The following DNAJC6 variants were observed in gnomAD, a reference collection of about 807,000 sequenced individuals.
DNAJC6 encodes the protein DnaJ heat shock protein family (Hsp40) member C6.
In DNAJC6, 34 loss-of-function variants were observed where a neutral mutation model predicts 110.0. The ratio of observed to expected loss-of-function variants is 0.31; its 90% CI spans 0.24 to 0.41. The LOEUF is 0.41. Among genes scored for constraint, DNAJC6 ranks in the 10% least tolerant of loss-of-function variants. The pLI, the probability that DNAJC6 is intolerant of heterozygous loss-of-function variation, is 1.00. For missense variants in DNAJC6, 1,031 were observed against 1,207.8 expected (o/e 0.85, Z 2.17); for synonymous variants, 406 against 437.2 (o/e 0.93, Z 0.89).
chr1:65,265,180 T>G (rs1021611730), intron 1 of DNAJC6, among the ~76,000 whole-genome samples: 3 of 152,252 alleles, frequency 2.0e-5, no homozygotes, highest in African/African-American at 7.2e-5. Flanking sequence ...TATTTTTGCA[T>G]TCTTAATCTT....
intron 1 of DNAJC6, among the ~76,000 whole-genome samples, chr1:65,287,967 A>G (rs1381058652): frequency 6.6e-6 from 1 of 152,210 alleles, no homozygotes; most frequent in African/African-American, 2.4e-5. Flanking sequence ...TGGGGGTCTT[A>G]GCACTGAGAA....
At chr1:65,337,786 G>A (rs1189488082) in intron 1 of DNAJC6, among the ~76,000 whole-genome samples, 2 of 152,172 alleles carry the variant, frequency 1.3e-5, no homozygotes, top group Admixed American at 6.6e-5. Flanking sequence ...AATACTACAC[G>A]ATTTTATATA....
chr1:65,302,098 A>AT, intron 1 of DNAJC6, among the ~76,000 whole-genome samples: 2 of 29,932 alleles, frequency 6.7e-5, no homozygotes, highest in African/African-American at 4.8e-4. Flanking sequence ...TATTATATAT[A>AT]TAATATATAA....
chr1:65,290,070 A>G (rs1430967986), intron 1 of DNAJC6, among the ~76,000 whole-genome samples: 2 of 152,174 alleles, frequency 1.3e-5, no homozygotes. Context: ...TCGGCCTCCC[A>G]AAGTGCTGGG....
chr1:65,346,802 A>G (rs1645441022), intron 1 of DNAJC6, among the ~76,000 whole-genome samples: 1 of 152,008 alleles, frequency 6.6e-6, no homozygotes, highest in Admixed American at 6.6e-5. Flanking sequence ...ATTTTGTACT[A>G]AATAATGGAC....
intron 4 of DNAJC6, among the ~76,000 whole-genome samples, chr1:65,376,680 G>A (rs1349472689): frequency 6.6e-6 from 1 of 151,530 alleles, no homozygotes; most frequent in Non-Finnish European, 1.5e-5. Context: ...TATTTTCCAA[G>A]TTTCCTTTTG....
chr1:65,274,967 T>C (rs1403698929), intron 1 of DNAJC6, among the ~76,000 whole-genome samples: 1 of 152,196 alleles, frequency 6.6e-6, no homozygotes, highest in African/African-American at 2.4e-5. Flanking sequence ...TTATATTTAA[T>C]CATGTTTCAG....
chr1:65,354,621 C>T (rs1645524962), intron 1 of DNAJC6, among the ~76,000 whole-genome samples: 4 of 152,156 alleles, frequency 2.6e-5, no homozygotes, highest in Admixed American at 2.6e-4. Flanking sequence ...CCATCATAGT[C>T]TAGTATTCTT....
At chr1:65,408,943 A>ATT (rs66951816) in intron 17 of DNAJC6, among the ~76,000 whole-genome samples, 160 bp downstream of exon 17, 6 of 150,820 alleles carry the variant, frequency 4.0e-5, no homozygotes, top group South Asian at 2.1e-4. Context: ...AAACAACAGG[A>ATT]TTTTTTTTTT....
At chr1:65,400,760 T>C (rs1202618506) in intron 14 of DNAJC6, among the ~76,000 whole-genome samples, 1 of 152,236 alleles carries the variant, frequency 6.6e-6, no homozygotes, top group Non-Finnish European at 1.5e-5. Flanking sequence ...ATTCCATATC[T>C]TGGCTGTTGT....
intron 1 of DNAJC6, among the ~76,000 whole-genome samples, chr1:65,334,327 C>T (rs1357395428): frequency 7.9e-5 from 12 of 152,212 alleles, no homozygotes; most frequent in Admixed American, 7.9e-4. Context: ...ATGCATGCAA[C>T]TTTCAGAATT....
chr1:65,398,905 C>T (rs1646004904), intron 14 of DNAJC6, 24 bp downstream of exon 14: 1 of 1,611,716 alleles, frequency 6.2e-7, no homozygotes, highest in Admixed American at 1.7e-5. Context: ...ATTTTCTGTA[C>T]ACATTTATAT....
chr1:65,311,779 A>G (rs74083025), intron 1 of DNAJC6, among the ~76,000 whole-genome samples: 9,526 of 152,308 alleles, frequency 0.063, 345 homozygotes, highest in Non-Finnish European at 0.079. Context: ...TATGAAATAC[A>G]TATGTTTTCC....
At chr1:65,363,174 A>G (rs1285411519) in intron 1 of DNAJC6, among the ~76,000 whole-genome samples, 1 of 152,142 alleles carries the variant, frequency 6.6e-6, no homozygotes, top group African/African-American at 2.4e-5. Context: ...TGATCCAATC[A>G]CTTCCCACCA....
intron 1 of DNAJC6, among the ~76,000 whole-genome samples, chr1:65,302,036 C>T (rs1025192587): frequency 4.8e-5 from 7 of 145,620 alleles, no homozygotes; most frequent in African/African-American, 1.8e-4. Flanking sequence ...ATGTCGAGGG[C>T]TATGGGAGTT....
chr1:65,392,379 A>G lies in DNAJC6; in HGVS notation c.1469-52A>G, dbSNP rs533924852. ...ATATACATATATTATAACAAAAACCAACAATGCTGTGGTCAGCAACTAATC... is the reference window on the plus strand; with the variant it reads ...ATATACATATATTATAACAAAAACCGACAATGCTGTGGTCAGCAACTAATC... On this transcript the variant is annotated intron_variant, in intron 11 of 18. Coordinates refer to ENST00000371069, the MANE Select transcript of DNAJC6 (RefSeq NM_001256864.2). 30 of 1,483,018 alleles carry G rather than the reference A, an allele frequency of 2.0e-5. No individual in the cohort carries two copies. In the South Asian group the frequency reaches 3.9e-4, roughly 19 times the overall value. 91.9% of individuals were successfully genotyped at this position (1,483,018 alleles called of 1,614,324 possible).
rs144942089 is a variant in DNAJC6 at position 65,298,177 on chromosome 1, T to C, written c.-131+33245T>C. Among the ~76,000 whole-genome samples the C allele has an allele frequency of 2.1e-3, 313 of 152,312 alleles. 1 individual carries two copies. Among genetic ancestry groups the C allele is most frequent in the African/African-American group, 7.2e-3 (299 of 41,568 alleles). ...CCCTGTCTTGATAAATTGGCTCTTA[T>C]CTGGGCAGTGGGCAAGGTGAACTAG... is the stretch of plus-strand genomic sequence containing the variant. On this transcript the variant is annotated intron_variant, in intron 1 of 19. Transcript: ENST00000263441.
At chr1:65,391,230 C>T (rs562623785) in intron 11 of DNAJC6, among the ~76,000 whole-genome samples, 21 of 152,294 alleles carry the variant, frequency 1.4e-4, no homozygotes, top group Non-Finnish European at 2.5e-4. Context: ...TTCATATTCA[C>T]GTCTGTCAGT....
chr1:65,372,737 G>GA (rs34179882), intron 4 of DNAJC6, among the ~76,000 whole-genome samples: 1 of 152,056 alleles, frequency 6.6e-6, no homozygotes, highest in Non-Finnish European at 1.5e-5. Context: ...TTGTTCTACT[G>GA]AAAAAAGCTG....
Sources: gnomAD v4.1 joint callset for allele counts (sites outside exome capture counted in the v4.1 genomes callset) on GRCh38, gnomAD v4.1.1 for gene constraint, MANE v1.5 for transcripts, NCBI Gene and HGNC (gene_info 2026-07-23, HGNC 2026-07-21) for gene names.